Variants in PATJ observed in about 807,000 individuals in gnomAD.
PATJ encodes inaD-like protein.
A neutral mutation model predicts 224.9 loss-of-function variants in PATJ; 190 were observed. That is an observed-to-expected ratio of 0.84 (90% CI 0.75 to 0.95). PATJ has a LOEUF of 0.95. PATJ is among the 40% of genes least tolerant of loss of function. The pLI is 0.00. For missense variants in PATJ, 2,121 were observed against 2,270.3 expected (o/e 0.93, Z 1.34); for synonymous variants, 769 against 820.3 (o/e 0.94, Z 1.07).
rs34300724 is a variant in PATJ at position 62,156,054 on chromosome 1, T to TAAAAAAAAA, written c.5502+2591_5502+2599dup. On this transcript the variant is annotated intron_variant, in intron 43 of 43. Transcript: ENST00000642238. ...GCCTGGGTGACAGAGCAAGACTCTGTAAAAAAAAAAAAAAAAAAAAAAAAA... is the reference window on the plus strand; with the variant it reads ...GCCTGGGTGACAGAGCAAGACTCTGTAAAAAAAAAAAAAAAAAAAAAAAAAAAAAAAAAA... 1.6e-4 allele frequency among the ~76,000 whole-genome samples: 7 copies of TAAAAAAAAA among 43,064 alleles called. 1 individual carries two copies. The East Asian group carries it at 5.4e-3, about 33-fold the overall frequency. The allele number at this position is 43,064 out of a possible 152,430, so 28.3% of individuals were successfully genotyped here.
At chr1:61,822,195 G>A (rs1258045382) in intron 14 of PATJ, among the ~76,000 whole-genome samples, 1 of 152,120 alleles carries the variant, frequency 6.6e-6, no homozygotes, top group East Asian at 1.9e-4. Flanking sequence ...ATTCAGGTAA[G>A]GAGTGGAAGA....
At chr1:62,112,135 G>T (rs899142856) in intron 34 of PATJ, among the ~76,000 whole-genome samples, 2 of 152,140 alleles carry the variant, frequency 1.3e-5, no homozygotes, top group Non-Finnish European at 1.5e-5. Flanking sequence ...CTCCAAGAAG[G>T]GTTCATTCTT....
chr1:61,925,640 G>C (rs1428772310), intron 26 of PATJ, among the ~76,000 whole-genome samples: 2 of 152,268 alleles, frequency 1.3e-5, no homozygotes, highest in Middle Eastern at 6.8e-3. Flanking sequence ...GGTTCTGGTA[G>C]GTGAGTCTGC....
At chr1:62,130,996 T>A (rs753054828) in intron 41 of PATJ, among the ~76,000 whole-genome samples, 11 of 152,012 alleles carry the variant, frequency 7.2e-5, no homozygotes, top group Non-Finnish European at 1.5e-4. Context: ...TCCTGTCAGT[T>A]TACTATCACA....
intron 12 of PATJ, among the ~76,000 whole-genome samples, chr1:61,803,418 A>C (rs896854983): frequency 6.6e-6 from 1 of 152,200 alleles, no homozygotes; most frequent in Non-Finnish European, 1.5e-5. Context: ...TTAAGACTTT[A>C]ACTCCAACAC....
At chr1:61,791,321 A>G (rs1204110904) in intron 8 of PATJ, 27 bp from the exon 9 acceptor site, 2 of 1,336,664 alleles carry the variant, frequency 1.5e-6, no homozygotes, top group South Asian at 2.4e-5. Flanking sequence ...CTAAGCATAT[A>G]TAATTAAATT....
intron 30 of PATJ, 57 bp downstream of exon 30, chr1:62,038,106 T>C (rs1650787435): frequency 1.9e-6 from 2 of 1,069,692 alleles, no homozygotes; most frequent in African/African-American, 1.6e-5. Flanking sequence ...ATGAGCATTT[T>C]CCCCCAATCT....
chr1:61,861,642 C>T lies in PATJ; in HGVS notation c.2414C>T (p.Ser805Leu). The T allele has an allele frequency of 6.9e-7, 1 of 1,446,444 alleles. No individual in the cohort carries two copies. The highest frequency in any genetic ancestry group is 9.3e-7 in the Non-Finnish European group (1 of 1,077,666). 89.6% of individuals were successfully genotyped at this position (1,446,444 alleles called of 1,614,324 possible). A position where few individuals can be genotyped will look rare whatever the true frequency, so the allele number is the denominator to read the frequency against. Reference protein sequence around the residue: ...EFSGTIHDINSSLILEAPKGF... With the variant: ...EFSGTIHDINLSLILEAPKGF... ...TCAGGAACAATTCATGATATAAATT[C>T]ATCTTTAATACTCGAAGCACCCAAG... The change falls in exon 19 of 44, where the codon TCA (serine) becomes TTA (leucine). Residue 805 changes from serine (S) to leucine (L), a missense_variant. Physicochemically the swap from Ser to Leu is moderately radical, Grantham distance 145. Transcript: ENST00000642238.
intron 21 of PATJ, among the ~76,000 whole-genome samples, chr1:61,878,787 A>AT (rs570059873): frequency 0.082 from 11,974 of 145,700 alleles, 546 homozygotes; most frequent in South Asian, 0.17. Context: ...GAACTTATGG[A>AT]TTTTTTTTTT....
At chr1:61,793,902 A>G (rs1415053833) in intron 9 of PATJ, among the ~76,000 whole-genome samples, 1 of 144,240 alleles carries the variant, frequency 6.9e-6, no homozygotes, top group Admixed American at 7.3e-5. Flanking sequence ...TTTCTTCTAC[A>G]ATTTTTTTTT....
chr1:62,020,857 G>A (rs750243995), intron 29 of PATJ, among the ~76,000 whole-genome samples: 28 of 152,098 alleles, frequency 1.8e-4, no homozygotes, highest in African/African-American at 6.8e-4. Flanking sequence ...ACAGAGTCTT[G>A]CTCTGTCACC....
At chr1:61,844,591 CT>C (rs1295570616) in intron 17 of PATJ, among the ~76,000 whole-genome samples, 16 of 152,032 alleles carry the variant, frequency 1.1e-4, no homozygotes, top group Admixed American at 8.5e-4. Flanking sequence ...TATACTTGTT[CT>C]TTTTTTATTA....
chr1:62,116,562 C>T lies in PATJ; in HGVS notation c.4686C>T (p.Ile1562=), dbSNP rs778137687. ...GAAGCGGAGTGTTTATTTCTGACAT[C>T]GTGAAAGGCGGAGCCGCAGACCTGG... ...RNGSGVFISD[I]VKGGAADLDG... is the part of the protein sequence containing the mutation. The change falls in exon 36 of 44, where the codon ATC becomes ATT. Residue 1562 remains isoleucine (I), a synonymous_variant. Coordinates refer to ENST00000642238, the MANE Select transcript of PATJ (RefSeq NM_001350145.3). 78 of 1,613,864 alleles carry T rather than the reference C, an allele frequency of 4.8e-5. No individual in the cohort carries two copies. The East Asian group carries it at 9.4e-4, about 19-fold the overall frequency.
At chr1:61,838,843 C>A (rs1054698746) in intron 17 of PATJ, among the ~76,000 whole-genome samples, 1 of 151,904 alleles carries the variant, frequency 6.6e-6, no homozygotes, top group Non-Finnish European at 1.5e-5. Context: ...CTATGGTCTC[C>A]GTGGAAGATT....
intron 43 of PATJ, among the ~76,000 whole-genome samples, chr1:62,154,660 AAAAG>A (rs1433693292): frequency 1.3e-5 from 2 of 151,428 alleles, no homozygotes; most frequent in Non-Finnish European, 2.9e-5. Context: ...AAAAAAAAAA[AAAAG>A]AAAAGAGAGA....
Position 61,763,268 on chromosome 1 carries a change from ATTATCT to A in PATJ, c.189+93_189+98del, listed in dbSNP as rs1474823897. The stretch of plus-strand genomic sequence containing the variant: ...AGATAGAGGAGATAGACAAAGACAA[ATTATCT>A]TTAAGGACTCAGTTCAGCAAAGAGA... On this transcript the variant is annotated intron_variant, in intron 3 of 43. Coordinates refer to ENST00000642238, the MANE Select transcript of PATJ (RefSeq NM_001350145.3). 4.6e-5 allele frequency: 35 copies of A among 754,674 alleles called. No individual in the cohort carries two copies. The African/African-American group carries it at 6.0e-4, about 13-fold the overall frequency. The allele number at this position is 754,674 out of a possible 1,614,324, so 46.7% of individuals were successfully genotyped here. A position where few individuals can be genotyped will look rare whatever the true frequency, so the allele number is the denominator to read the frequency against.
intron 16 of PATJ, among the ~76,000 whole-genome samples, chr1:61,828,638 C>T (rs1189867509): frequency 1.3e-5 from 2 of 152,114 alleles, no homozygotes; most frequent in Non-Finnish European, 2.9e-5. Flanking sequence ...GCAATCCTCC[C>T]ACCTCAACCC....
chr1:61,894,688 G>A (rs1274549174), intron 22 of PATJ, among the ~76,000 whole-genome samples: 1 of 152,176 alleles, frequency 6.6e-6, no homozygotes, highest in Non-Finnish European at 1.5e-5. Context: ...GTCTCAGGTA[G>A]TATCTTTATA....
intron 27 of PATJ, among the ~76,000 whole-genome samples, chr1:61,949,207 TATA>T (rs1237255570): frequency 6.6e-6 from 1 of 150,406 alleles, no homozygotes; most frequent in South Asian, 2.1e-4. Flanking sequence ...GAACTTAAAG[TATA>T]ATAATAAAAA....
Sources: allele counts gnomAD v4.1 joint callset (sites outside exome capture counted in the v4.1 genomes callset), GRCh38; gene constraint gnomAD v4.1.1; transcripts MANE v1.5; gene names NCBI Gene and HGNC (gene_info 2026-07-23, HGNC 2026-07-21).